RCOR3: variants seen among roughly 807,000 people sequenced by gnomAD.
RCOR3 encodes REST corepressor 3.
A neutral mutation model predicts 64.1 loss-of-function variants in RCOR3; 13 were observed. That is an observed-to-expected ratio of 0.20 (90% CI 0.13 to 0.32). RCOR3 has a LOEUF of 0.32. RCOR3 is among the 10% of genes least tolerant of loss of function. RCOR3 has a pLI of 1.00. For synonymous variants in RCOR3, 215 were observed against 239.0 expected (o/e 0.90, Z 0.93); for missense variants, 489 against 701.2 (o/e 0.70, Z 3.42).
At chr1:211,304,055 A>T (rs1483954044) in intron 9 of RCOR3, 28 bp from the exon 10 acceptor site, 1 of 1,554,264 alleles carries the variant, frequency 6.4e-7, no homozygotes, top group Non-Finnish European at 8.7e-7. Flanking sequence ...TCATATCCTC[A>T]TTAGGAAACT....
At chr1:211,260,231 T>C (rs369132858) in intron 2 of RCOR3, 67 bp downstream of exon 2, 2 of 1,475,642 alleles carry the variant, frequency 1.4e-6, no homozygotes, top group Non-Finnish European at 1.9e-6. Flanking sequence ...GTGGACGGGC[T>C]AGGAGTCCGG....
At chr1:211,309,354 G>A (rs1373225066) in intron 10 of RCOR3, among the ~76,000 whole-genome samples, 1 of 152,150 alleles carries the variant, frequency 6.6e-6, no homozygotes, top group Non-Finnish European at 1.5e-5. Flanking sequence ...ATAGATTCCT[G>A]GTTGGAATAT....
chr1:211,305,511 C>G (rs1397529728), intron 10 of RCOR3, among the ~76,000 whole-genome samples: 1 of 152,136 alleles, frequency 6.6e-6, no homozygotes, highest in Non-Finnish European at 1.5e-5. Flanking sequence ...GCTTTTTATT[C>G]ATGTAAAGTC....
intron 4 of RCOR3, among the ~76,000 whole-genome samples, chr1:211,275,264 C>T (rs1291985518): frequency 1.3e-5 from 2 of 151,808 alleles, no homozygotes; most frequent in African/African-American, 4.8e-5. Context: ...ACTTTATAGT[C>T]CAGTTACATG....
Position 211,312,183 on chromosome 1 carries a change from G to T in RCOR3, c.1076-537G>T, listed in dbSNP as rs576738625. ...GTTCTTATCTAATTTCAATTTGTTG[G>T]TACCCTGGTGCTATAGGCAAGTATT... On this transcript the variant is annotated intron_variant, in intron 10 of 11. Coordinates refer to ENST00000419091, the MANE Select transcript of RCOR3 (RefSeq NM_001136223.3). The surrounding 1 kb of genome is among the most constrained non-coding windows in gnomAD (Gnocchi z 5.0). 38 of 206,654 alleles carry T rather than the reference G, an allele frequency of 1.8e-4. 1 individual carries two copies. The highest frequency in any genetic ancestry group is 8.3e-4 in the African/African-American group (36 of 43,622). The allele number at this position is 206,654 out of a possible 1,614,324, so 12.8% of individuals were successfully genotyped here. A position where few individuals can be genotyped will look rare whatever the true frequency, so the allele number is the denominator to read the frequency against.
chr1:211,308,698 T>TTTTGTGTG (rs1701171863), intron 10 of RCOR3, among the ~76,000 whole-genome samples: 3 of 40,874 alleles, frequency 7.3e-5, no homozygotes, highest in African/African-American at 2.1e-4. Flanking sequence ...TTTTTTTTTT[T>TTTTGTGTG]TGTGTAGTCC....
At chr1:211,259,987 TC>T (rs1454476396) in intron 1 of RCOR3, 120 bp from the exon 2 acceptor site, 38 of 1,375,262 alleles carry the variant, frequency 2.8e-5, no homozygotes, top group Admixed American at 1.9e-4. Flanking sequence ...GTTGATATCT[TC>T]CCATCCACCC....
At chr1:211,301,153 A>G (rs1049282289) in intron 9 of RCOR3, among the ~76,000 whole-genome samples, 2 of 152,196 alleles carry the variant, frequency 1.3e-5, no homozygotes, top group African/African-American at 2.4e-5. Context: ...ATATGACTCC[A>G]TTGTTTTTTC....
chr1:211,271,585 C>T, intron 3 of RCOR3: 1 of 530,514 alleles, frequency 1.9e-6, no homozygotes, highest in Non-Finnish European at 3.6e-6. Flanking sequence ...AATCCTCAAG[C>T]AGGGGAGGGA....
At chr1:211,290,443 A>G (rs1383213223) in intron 8 of RCOR3, among the ~76,000 whole-genome samples, 1 of 152,106 alleles carries the variant, frequency 6.6e-6, no homozygotes, top group Non-Finnish European at 1.5e-5. Flanking sequence ...CTTTAAATCA[A>G]TTCCCTCTTT....
chr1:211,313,112 T>C lies in RCOR3; in HGVS notation c.1317+151T>C. The C allele has an allele frequency of 2.0e-6, 3 of 1,516,380 alleles. No homozygotes were observed. The highest frequency in any genetic ancestry group is 2.7e-5 in the South Asian group (2 of 74,828). 93.9% of individuals were successfully genotyped at this position (1,516,380 alleles called of 1,614,324 possible). Reference sequence around the variant, plus strand: ...TTCAGTGGTGCATCTCTCGTGACTCTTAAGTCATAATGACATGCTAAGTTC... The same window carrying C: ...TTCAGTGGTGCATCTCTCGTGACTCCTAAGTCATAATGACATGCTAAGTTC... On this transcript the variant is annotated intron_variant, in intron 11 of 11. Coordinates refer to ENST00000419091, the MANE Select transcript of RCOR3 (RefSeq NM_001136223.3). This position sits in a 1 kb window ranked among gnomAD's most constrained non-coding sequence, Gnocchi z 4.7.
chr1:211,313,817 C>T lies in RCOR3; in HGVS notation c.*49C>T, dbSNP rs1189167115. On this transcript the variant is annotated 3_prime_UTR_variant, in exon 12 of 12. Coordinates refer to ENST00000419091, the MANE Select transcript of RCOR3 (RefSeq NM_001136223.3). The surrounding 1 kb of genome is among the most constrained non-coding windows in gnomAD (Gnocchi z 4.7). ...GTAACTTTTCACCCCATCATTATACCAGTGCTCATCTGACTGATGAAAAAG... is the reference window on the plus strand; with the variant it reads ...GTAACTTTTCACCCCATCATTATACTAGTGCTCATCTGACTGATGAAAAAG... The T allele has an allele frequency of 5.5e-6, 8 of 1,445,340 alleles. No individual in the cohort carries two copies. The highest frequency in any genetic ancestry group is 6.7e-6 in the Non-Finnish European group (7 of 1,038,002). The allele number at this position is 1,445,340 out of a possible 1,614,324, so 89.5% of individuals were successfully genotyped here.
In RCOR3 at chr1:211,312,669, C is replaced by A; in HGVS notation, c.1076-51C>A. The stretch of plus-strand genomic sequence containing the variant: ...GTGTGTGCATGATGTATAGTACACA[C>A]AGCTCTCCTTATTGATCCTTCACAG... On this transcript the variant is annotated intron_variant, in intron 10 of 11. Transcript: ENST00000419091. The surrounding 1 kb of genome is among the most constrained non-coding windows in gnomAD (Gnocchi z 5.0). 7.8e-7 allele frequency: 1 copy of A among 1,287,496 alleles called. No individual in the cohort carries two copies. Among genetic ancestry groups the A allele is most frequent in the Non-Finnish European group, 1.1e-6 (1 of 887,994 alleles). 79.8% of individuals were successfully genotyped at this position (1,287,496 alleles called of 1,614,324 possible). A position where few individuals can be genotyped will look rare whatever the true frequency, so the allele number is the denominator to read the frequency against.
intron 2 of RCOR3, among the ~76,000 whole-genome samples, chr1:211,261,923 CAAA>C (rs1158597755): frequency 1.2e-4 from 4 of 34,120 alleles, no homozygotes; most frequent in Non-Finnish European, 1.4e-4. Flanking sequence ...GACTCCATCT[CAAA>C]AAAAAAAAAA....
chr1:211,287,958 C>T (rs1483532335), intron 7 of RCOR3, among the ~76,000 whole-genome samples: 1 of 151,916 alleles, frequency 6.6e-6, no homozygotes, highest in Non-Finnish European at 1.5e-5. Context: ...GCCTATAATC[C>T]TAGCACTTTG....
intron 2 of RCOR3, among the ~76,000 whole-genome samples, chr1:211,266,258 A>G (rs1018869796): frequency 6.6e-6 from 1 of 152,138 alleles, no homozygotes; most frequent in Non-Finnish European, 1.5e-5. Flanking sequence ...AATATTCTCA[A>G]TATTTAAGTT....
Position 211,260,177 on chromosome 1 carries a change from G to A in RCOR3, c.223+13G>A. The A allele has an allele frequency of 1.2e-6, 2 of 1,610,946 alleles. No individual in the cohort carries two copies. Among genetic ancestry groups the A allele is most frequent in the Non-Finnish European group, 1.7e-6 (2 of 1,177,754 alleles). The stretch of plus-strand genomic sequence containing the variant: ...GAATTTGATCCAGGTAGATATATTT[G>A]CTTAAGCAAAATCTCATATCCCCTT... On this transcript the variant is annotated intron_variant, in intron 2 of 11. Coordinates refer to ENST00000419091, the MANE Select transcript of RCOR3 (RefSeq NM_001136223.3).
chr1:211,286,925 A>G (rs1453374208), intron 7 of RCOR3, among the ~76,000 whole-genome samples: 4 of 152,172 alleles, frequency 2.6e-5, no homozygotes, highest in African/African-American at 9.7e-5. Context: ...TTTTTCCTGC[A>G]GTATATCCTT....
Position 211,313,886 on chromosome 1 carries a change from T to C in RCOR3, c.*118T>C. 1 of 935,868 alleles carries C rather than the reference T, an allele frequency of 1.1e-6. No homozygotes were observed. Among genetic ancestry groups the C allele is most frequent in the Non-Finnish European group, 1.6e-6 (1 of 635,304 alleles). The allele number at this position is 935,868 out of a possible 1,614,324, so 58.0% of individuals were successfully genotyped here. Reference sequence around the variant, plus strand: ...CTAGATACTGAGGCTGCGAACTAGTTCTGTGGCAGTGGACTAGCATAAGTG... The same window carrying C: ...CTAGATACTGAGGCTGCGAACTAGTCCTGTGGCAGTGGACTAGCATAAGTG... On this transcript the variant is annotated 3_prime_UTR_variant, in exon 12 of 12. Transcript: ENST00000419091. The surrounding 1 kb of genome is among the most constrained non-coding windows in gnomAD (Gnocchi z 4.7).
Sources: allele counts gnomAD v4.1 joint callset (sites outside exome capture counted in the v4.1 genomes callset), GRCh38; gene constraint gnomAD v4.1.1; non-coding constraint Gnocchi (gnomAD v3.1); transcripts MANE v1.5; gene names NCBI Gene and HGNC (gene_info 2026-07-23, HGNC 2026-07-21).